The following LPP variants were observed in gnomAD, a reference collection of about 807,000 sequenced individuals.
LPP encodes lipoma-preferred partner.
Under a neutral mutation model 60.4 loss-of-function variants are expected in LPP, and 38 were observed. The ratio of observed to expected loss-of-function variants is 0.63; its 90% confidence interval spans 0.49 to 0.83. The LOEUF (loss-of-function observed/expected upper bound fraction) is 0.83. Among genes scored for constraint, LPP ranks in the 40% least tolerant of loss-of-function variants. The pLI, the probability that LPP is intolerant of heterozygous loss-of-function variation, is 0.00. For synonymous variants in LPP, 328 were observed against 290.8 expected (o/e 1.13, Z -1.30); for missense variants, 902 against 783.6 (o/e 1.15, Z -1.80).
At chr3:188,179,156 G>A (rs1425643123) in intron 1 of LPP, 4 of 416,894 alleles carry the variant, frequency 9.6e-6, no homozygotes, top group South Asian at 1.7e-5. Context: ...TATTCCCCCC[G>A]GCCCCCATTC....
In LPP at chr3:188,755,033, A is replaced by G. The variant is rs576185441; in HGVS notation, c.1241-5080A>G. Among the ~76,000 whole-genome samples, 57 of 152,334 alleles carry G rather than the reference A, an allele frequency of 3.7e-4. No individual in the cohort carries two copies. In the South Asian group the frequency reaches 0.011, roughly 29 times the overall value. ...GTTGCCATCATTTCACTACCCTTATATAATCTTATTGATTCAACTTTTAGA... is the reference window on the plus strand; with the variant it reads ...GTTGCCATCATTTCACTACCCTTATGTAATCTTATTGATTCAACTTTTAGA... On this transcript the variant is annotated intron_variant, in intron 8 of 11. Transcript: ENST00000617246.
At chr3:188,714,520 T>C (rs963927205) in intron 8 of LPP, among the ~76,000 whole-genome samples, 2 of 152,144 alleles carry the variant, frequency 1.3e-5, no homozygotes, top group South Asian at 4.1e-4. Context: ...GCCACCGTTC[T>C]TATTTTTTCA....
chr3:188,570,550 C>T (rs564491899), intron 6 of LPP, among the ~76,000 whole-genome samples: 10 of 152,116 alleles, frequency 6.6e-5, no homozygotes, highest in Non-Finnish European at 8.8e-5. Context: ...AGATAGGACA[C>T]GCTACACAAA....
At chr3:188,685,308 G>T in intron 7 of LPP, among the ~76,000 whole-genome samples, 1 of 152,208 alleles carries the variant, frequency 6.6e-6, no homozygotes, top group Non-Finnish European at 1.5e-5. Context: ...GAGAATGTTT[G>T]ACCCTACAGA....
intron 8 of LPP, among the ~76,000 whole-genome samples, chr3:188,756,413 T>TTCA (rs1730271419): frequency 6.6e-6 from 1 of 152,168 alleles, no homozygotes; most frequent in Non-Finnish European, 1.5e-5. Context: ...CTGTGTTTCC[T>TTCA]TCATGCTCTG....
intron 9 of LPP, among the ~76,000 whole-genome samples, chr3:188,854,357 A>T (rs941846987): frequency 1.3e-5 from 2 of 152,234 alleles, no homozygotes; most frequent in Admixed American, 6.5e-5. Flanking sequence ...TTACTTCACC[A>T]GCTTCCTTTT....
intron 3 of LPP, among the ~76,000 whole-genome samples, chr3:188,378,878 T>G (rs960211773): frequency 6.6e-6 from 1 of 152,194 alleles, no homozygotes; most frequent in Admixed American, 6.5e-5. Flanking sequence ...TCCAGACATA[T>G]CATTTTCATT....
At chr3:188,711,478 T>G (rs1711511023) in intron 8 of LPP, 1 of 152,180 alleles carries the variant, frequency 6.6e-6, no homozygotes, top group African/African-American at 2.4e-5. Context: ...TGGGGAAAGC[T>G]AGCCAGGCTA....
In LPP at chr3:188,425,099, A is replaced by G. The variant is rs548701730; in HGVS notation, c.193+18786A>G. 8.3e-4 allele frequency among the ~76,000 whole-genome samples: 126 copies of G among 152,234 alleles called. 1 individual carries two copies. Among genetic ancestry groups the G allele is most frequent in the Non-Finnish European group, 5.1e-4 (35 of 68,008 alleles). ...TGTGGGTTTGTCATAAATAGCTCTT[A>G]TTATTTTGAGGTATGTTCCATCAAT... On this transcript the variant is annotated intron_variant, in intron 4 of 11. Coordinates refer to ENST00000617246, the MANE Select transcript of LPP (RefSeq NM_001375462.1).
rs1305660389 is a variant in LPP, at chr3:188,811,380, A to G, written c.1410+51098A>G. The stretch of plus-strand genomic sequence containing the variant: ...CACACACACACACACACACACACAC[A>G]CACACGCACACACGCTCAAAGAGTA... On this transcript the variant is annotated intron_variant, in intron 9 of 11. Coordinates refer to ENST00000617246, the MANE Select transcript of LPP (RefSeq NM_001375462.1). Among the ~76,000 whole-genome samples, 8 of 151,490 alleles carry G rather than the reference A, an allele frequency of 5.3e-5. 1 individual carries two copies. Among genetic ancestry groups the G allele is most frequent in the African/African-American group, 1.5e-4 (6 of 41,124 alleles).
chr3:188,219,966 C>T (rs1308383053), intron 1 of LPP, among the ~76,000 whole-genome samples: 1 of 152,196 alleles, frequency 6.6e-6, no homozygotes, highest in African/African-American at 2.4e-5. Context: ...TAGAAGTGAT[C>T]TCTGTGTTCT....
In LPP at chr3:188,874,725, A is replaced by G. The variant is rs1420832380; in HGVS notation, c.*246A>G. 7.2e-6 allele frequency: 3 copies of G among 419,278 alleles called. No individual in the cohort carries two copies. Among genetic ancestry groups the G allele is most frequent in the African/African-American group, 5.8e-5 (3 of 51,452 alleles). 26.0% of individuals were successfully genotyped at this position (419,278 alleles called of 1,614,324 possible). A position where few individuals can be genotyped will look rare whatever the true frequency, so the allele number is the denominator to read the frequency against. ...GGACTTCCACATTTTTGCACAGATT[A>G]TGCTCCATCCCATTCACTTCTGCAT... On this transcript the variant is annotated 3_prime_UTR_variant, in exon 12 of 12. Transcript: ENST00000617246.
At chr3:188,567,783 C>T (rs1048660464) in intron 6 of LPP, among the ~76,000 whole-genome samples, 3 of 152,092 alleles carry the variant, frequency 2.0e-5, no homozygotes, top group Middle Eastern at 3.4e-3. Context: ...GTTTATTCCT[C>T]TTCTCATGCA....
At chr3:188,846,702 A>AAG (rs1272176246) in intron 9 of LPP, among the ~76,000 whole-genome samples, 5 of 149,988 alleles carry the variant, frequency 3.3e-5, no homozygotes, top group African/African-American at 1.2e-4. Flanking sequence ...AAAAAAAAAA[A>AAG]AGAGAGAGAA....
intron 2 of LPP, among the ~76,000 whole-genome samples, chr3:188,323,181 A>G (rs1757436856): frequency 6.6e-6 from 1 of 152,212 alleles, no homozygotes; most frequent in African/African-American, 2.4e-5. Flanking sequence ...GAGAAGGAAC[A>G]AATAAAGAAA....
At position 188,609,200 on chromosome 3, in the gene LPP, C is replaced by G; in HGVS notation, c.469C>G (p.Pro157Ala). 1 of 1,613,740 alleles carries G rather than the reference C, an allele frequency of 6.2e-7. No individual in the cohort carries two copies. The highest frequency in any genetic ancestry group is 1.1e-5 in the South Asian group (1 of 91,058). The change falls in exon 7 of 12, where the codon CCA (proline) becomes GCA (alanine). Residue 157 changes from proline (P) to alanine (A), a missense_variant. Pro to Ala is a conservative substitution (Grantham distance 27). Coordinates refer to ENST00000617246, the MANE Select transcript of LPP (RefSeq NM_001375462.1). This position sits in a 1 kb window ranked among gnomAD's most constrained non-coding sequence, Gnocchi z 6.9. ...GSTASPPVST[P>A]VTGHKRMVIP... The stretch of plus-strand genomic sequence containing the variant: ...AACAGCCTCTCCTCCAGTTTCGACC[C>G]CAGTCACAGGACACAAGAGAATGGT...
In LPP at chr3:188,509,563, C is replaced by T. The variant is rs142869708; in HGVS notation, c.307-15102C>T. On this transcript the variant is annotated intron_variant, in intron 5 of 11. Coordinates refer to ENST00000617246, the MANE Select transcript of LPP (RefSeq NM_001375462.1). ...ATAAAGAAAAACATTCACATTGGAA[C>T]AAGGGAGAGGTGAAAAGGAAAGTTG... Among the ~76,000 whole-genome samples, 94 of 152,176 alleles carry T rather than the reference C, an allele frequency of 6.2e-4. No individual in the cohort carries two copies. The East Asian group carries it at 0.016, about 27-fold the overall frequency.
chr3:188,779,828 C>T (rs1739065837), intron 9 of LPP, among the ~76,000 whole-genome samples: 1 of 152,042 alleles, frequency 6.6e-6, no homozygotes, highest in Non-Finnish European at 1.5e-5. Flanking sequence ...CACTTGGCAG[C>T]CTTTTAAGTA....
chr3:188,752,028 G>T (rs919957484), intron 8 of LPP, among the ~76,000 whole-genome samples: 4 of 152,140 alleles, frequency 2.6e-5, no homozygotes, highest in Non-Finnish European at 2.9e-5. Flanking sequence ...TCCAAAGCAT[G>T]TGCCTTTCTG....
Sources: gnomAD v4.1 joint callset for allele counts (sites outside exome capture counted in the v4.1 genomes callset) on GRCh38, gnomAD v4.1.1 for gene constraint, Gnocchi (gnomAD v3.1) non-coding constraint, MANE v1.5 for transcripts, NCBI Gene and HGNC (gene_info 2026-07-23, HGNC 2026-07-21) for gene names.